ESYT3: variants seen among roughly 807,000 people sequenced by gnomAD.
ESYT3 encodes extended synaptotagmin 3.
A neutral mutation model predicts 111.5 loss-of-function variants in ESYT3; 101 were observed. The observed-to-expected ratio is 0.91, with a 90% CI of 0.77 to 1.07. The LOEUF (loss-of-function observed/expected upper bound fraction) is 1.07, where lower values mean the gene tolerates loss of function less well. ESYT3 is among the 50% of genes least tolerant of loss of function. The pLI is 0.00. For synonymous variants in ESYT3, 416 were observed against 446.8 expected (o/e 0.93, Z 0.87); for missense variants, 1,097 against 1,109.4 (o/e 0.99, Z 0.16).
intron 1 of ESYT3, among the ~76,000 whole-genome samples, chr3:138,436,113 T>A (rs74602700): frequency 0.059 from 8,921 of 152,116 alleles, 274 homozygotes; most frequent in South Asian, 0.092. Context: ...GAGAAAAAAA[T>A]ATAAGGCCCA....
intron 14 of ESYT3, 78 bp downstream of exon 14, chr3:138,468,959 C>T: frequency 1.4e-6 from 2 of 1,426,140 alleles, no homozygotes; most frequent in Admixed American, 3.3e-5. Flanking sequence ...AACCCCATGT[C>T]TTCTGGGCCA....
rs777045498 is a variant in ESYT3 at position 138,468,143 on chromosome 3, C to T, written c.1257C>T (p.His419=). Residue 419 remains histidine (H), a synonymous_variant, in exon 12 of 23, where the codon CAC becomes CAT. Transcript: ENST00000389567. ...ATGACACAACCAGCGGGCGGCTGCACCTGCGGCTGGAGTGGCTTTCATTGC... is the reference window on the plus strand; with the variant it reads ...ATGACACAACCAGCGGGCGGCTGCATCTGCGGCTGGAGTGGCTTTCATTGC... The part of the protein sequence containing the change: ...VLNDTTSGRL[H]LRLEWLSLLT... The T allele has an allele frequency of 2.5e-6, 4 of 1,614,176 alleles. No homozygotes were observed. The highest frequency in any genetic ancestry group is 2.2e-5 in the South Asian group (2 of 91,084).
intron 2 of ESYT3, 85 bp downstream of exon 2, chr3:138,452,174 G>A: frequency 7.3e-7 from 1 of 1,363,806 alleles, no homozygotes; most frequent in Non-Finnish European, 1.0e-6. Flanking sequence ...GCCTGATGGG[G>A]GCCTCGCGGC....
At chr3:138,457,696 G>A (rs2032377492) in intron 4 of ESYT3, 52 bp downstream of exon 4, 2 of 1,548,072 alleles carry the variant, frequency 1.3e-6, no homozygotes, top group African/African-American at 1.4e-5. Flanking sequence ...GACACAGTGG[G>A]AACAGCCAGT....
At chr3:138,454,202 A>G (rs917661305) in intron 2 of ESYT3, among the ~76,000 whole-genome samples, 7 of 152,196 alleles carry the variant, frequency 4.6e-5, no homozygotes, top group African/African-American at 1.7e-4. Flanking sequence ...AGCTGTAATC[A>G]TGCCACTGCA....
chr3:138,476,366 T>C (rs2033481637), intron 21 of ESYT3, 38 bp downstream of exon 21: 1 of 1,596,464 alleles, frequency 6.3e-7, no homozygotes, highest in African/African-American at 1.3e-5. Context: ...AAGGAGATTA[T>C]GATCAATTCG....
chr3:138,473,732 C>T (rs993004597), intron 19 of ESYT3, 98 bp downstream of exon 19: 3 of 1,022,470 alleles, frequency 2.9e-6, no homozygotes, highest in Non-Finnish European at 4.4e-6. Flanking sequence ...CACATAGTCC[C>T]AAGATAAATA....
intron 1 of ESYT3, among the ~76,000 whole-genome samples, chr3:138,442,887 G>A (rs1430629038): frequency 1.3e-5 from 2 of 152,206 alleles, no homozygotes; most frequent in Non-Finnish European, 2.9e-5. Flanking sequence ...CCCATTCACT[G>A]TGGTCTTATC....
In ESYT3 at chr3:138,472,578, C is replaced by T. The variant is rs765063952; in HGVS notation, c.1956C>T (p.Thr652=). ...CCACAACCACCACCAGTGCTACCAC[C>T]GTTGCCACTGAGCCCACATCCCAAG... is the stretch of plus-strand genomic sequence containing the variant. ...RSTTTTTSAT[T]VATEPTSQET... Residue 652 remains threonine, a synonymous_variant, in exon 18 of 23, where the codon ACC becomes ACT. Coordinates refer to ENST00000389567, the MANE Select transcript of ESYT3 (RefSeq NM_031913.5). 17 of 1,614,242 alleles carry T rather than the reference C, an allele frequency of 1.1e-5. No homozygotes were observed. Among genetic ancestry groups the T allele is most frequent in the South Asian group, 4.4e-5 (4 of 91,086 alleles).
In ESYT3 at chr3:138,472,687, T is replaced by C. The variant is rs1199116666; in HGVS notation, c.2065T>C (p.Phe689Leu). 3 of 1,614,104 alleles carry C rather than the reference T, an allele frequency of 1.9e-6. No homozygotes were observed. The highest frequency in any genetic ancestry group is 1.6e-4 in the Middle Eastern group (1 of 6,084). ...IGEKKSPATI[F>L]LTVPGPHSPG... Reference sequence around the variant, plus strand: ...GGAGAAGAAGAGTCCAGCCACCATCTTCCTGACTGTCCCAGGTCCCCACTC... The same window carrying C: ...GGAGAAGAAGAGTCCAGCCACCATCCTCCTGACTGTCCCAGGTCCCCACTC... Residue 689 changes from phenylalanine to leucine, a missense_variant, in exon 18 of 23, where the codon TTC becomes CTC. Transcript: ENST00000389567.
At chr3:138,441,466 G>A (rs2031147402) in intron 1 of ESYT3, among the ~76,000 whole-genome samples, 1 of 152,190 alleles carries the variant, frequency 6.6e-6, no homozygotes, top group African/African-American at 2.4e-5. Context: ...TCCTGGCCCA[G>A]AGTCTTGGTG....
At chr3:138,473,968 AT>A (rs2033364639) in intron 19 of ESYT3, among the ~76,000 whole-genome samples, 1 of 152,230 alleles carries the variant, frequency 6.6e-6, no homozygotes, top group African/African-American at 2.4e-5. Context: ...TACTCCAAGC[AT>A]TATAAAGATG....
At position 138,459,982 on chromosome 3, in the gene ESYT3, T is replaced by C. The variant is rs887686356; in HGVS notation, c.686T>C (p.Leu229Pro). ...GTLRVILEPL[L>P]VDKPFVGAVT... is the part of the protein sequence containing the mutation. ...CTGCGGGTCATCCTGGAGCCCCTCC[T>C]AGTGGACAAGCCCTTTGTGGGAGCC... Residue 229 changes from leucine (L) to proline (P), a missense_variant, in exon 6 of 23, where the codon CTA becomes CCA. Physicochemically the swap from Leu to Pro is moderately conservative, Grantham distance 98 (BLOSUM62 -3). Transcript: ENST00000389567. 2 of 1,614,116 alleles carry C rather than the reference T, an allele frequency of 1.2e-6. No individual in the cohort carries two copies. Among genetic ancestry groups the C allele is most frequent in the Non-Finnish European group, 1.7e-6 (2 of 1,179,984 alleles).
At chr3:138,451,511 A>C (rs557641909) in intron 1 of ESYT3, among the ~76,000 whole-genome samples, 1 of 152,320 alleles carries the variant, frequency 6.6e-6, no homozygotes, top group African/African-American at 2.4e-5. Context: ...GAAACGAATA[A>C]GGGGGATGGA....
intron 9 of ESYT3, 132 bp downstream of exon 9, chr3:138,464,647 C>T: frequency 1.0e-6 from 1 of 981,338 alleles, no homozygotes; most frequent in Admixed American, 2.4e-5. Context: ...CCTGTATCTA[C>T]CAGGCTTCCA....
At position 138,472,653 on chromosome 3, in the gene ESYT3, GC is replaced by G; in HGVS notation, c.2034del (p.Ile679SerfsTer12). 1 of 1,614,260 alleles carries G rather than the reference GC, an allele frequency of 6.2e-7. No homozygotes were observed. On this transcript the variant is annotated frameshift_variant, in exon 18 of 23. Coordinates refer to ENST00000389567, the MANE Select transcript of ESYT3 (RefSeq NM_031913.5). LOFTEE classifies it high-confidence loss of function. ...GKDSAKRFCE[P>X]IGEKKSPATI... ...AGGACAGTGCCAAAAGGTTCTGTGAGCCCATCGGGGAGAAGAAGAGTCCAGC... is the reference window on the plus strand; with the variant it reads ...AGGACAGTGCCAAAAGGTTCTGTGAGCCATCGGGGAGAAGAAGAGTCCAGC...
intron 2 of ESYT3, among the ~76,000 whole-genome samples, chr3:138,452,942 G>A (rs372781370): frequency 2.4e-4 from 37 of 152,254 alleles, no homozygotes; most frequent in Middle Eastern, 3.4e-3. Flanking sequence ...TTCCCTAGCC[G>A]GGCATGGTAG....
In ESYT3 at chr3:138,470,937, C is replaced by A; in HGVS notation, c.1651C>A (p.Leu551Ile). The A allele has an allele frequency of 6.2e-7, 1 of 1,614,144 alleles. No individual in the cohort carries two copies. The highest frequency in any genetic ancestry group is 8.5e-7 in the Non-Finnish European group (1 of 1,180,042). ...GMLEVPLCQI[L>I]PYADLTLEQR... ...GCTGGAGGTCCCCCTGTGCCAGATC[C>A]TCCCCTATGCTGACCTCACTCTTGA... The change falls in exon 17 of 23, where the codon CTC (leucine) becomes ATC (isoleucine). Residue 551 changes from leucine to isoleucine, a missense_variant. Coordinates refer to ENST00000389567, the MANE Select transcript of ESYT3 (RefSeq NM_031913.5).
intron 6 of ESYT3, 42 bp from the exon 7 acceptor site, chr3:138,460,569 C>A: frequency 6.2e-7 from 1 of 1,609,272 alleles, no homozygotes; most frequent in Non-Finnish European, 8.5e-7. Flanking sequence ...GCCCTGGGCT[C>A]CCAACCCTTT....
Sources: gnomAD v4.1 joint callset for allele counts (sites outside exome capture counted in the v4.1 genomes callset) on GRCh38, gnomAD v4.1.1 for gene constraint, MANE v1.5 for transcripts, NCBI Gene and HGNC (gene_info 2026-07-23, HGNC 2026-07-21) for gene names.